Variants in ZNRF1 observed in about 807,000 individuals in gnomAD.
ZNRF1 encodes the protein E3 ubiquitin-protein ligase ZNRF1.
ZNRF1 carries 3 observed loss-of-function variants against 18.4 expected under a neutral mutation model. The observed-to-expected ratio is 0.16, with a 90% CI of 0.07 to 0.42. The LOEUF is 0.42. Among genes scored for constraint, ZNRF1 ranks in the 10% least tolerant of loss-of-function variants. ZNRF1 has a pLI of 0.99. For missense variants in ZNRF1, 310 were observed against 329.8 expected, an observed-to-expected ratio of 0.94 and a Z score of 0.47; for synonymous variants, 157 against 144.2, an observed-to-expected ratio of 1.09 and a Z score of -0.64.
intron 1 of ZNRF1, among the ~76,000 whole-genome samples, chr16:75,010,711 G>GTTTTTGTTTTTTTTT (rs2034986440): frequency 1.3e-5 from 1 of 74,322 alleles, no homozygotes. Flanking sequence ...GTTTTTTTTT[G>GTTTTTGTTTTTTTTT]TTTTTTTGTT....
rs189355671 is a variant in ZNRF1 at position 75,002,364 on chromosome 16, C to G, written c.424+2269C>G. The G allele has an allele frequency of 6.6e-5, 10 of 152,226 alleles. No individual in the cohort carries two copies. The East Asian group carries it at 1.7e-3, about 26-fold the overall frequency. 9.4% of individuals were successfully genotyped at this position (152,226 alleles called of 1,614,324 possible). On this transcript the variant is annotated intron_variant, in intron 1 of 4. Coordinates refer to ENST00000335325, the MANE Select transcript of ZNRF1 (RefSeq NM_032268.5). Reference sequence around the variant, plus strand: ...AGCAAAACTTGTTTCTGCTTTGGAGCCTTTGAGTAAGGTCTAAGCAGCTTT... The same window carrying G: ...AGCAAAACTTGTTTCTGCTTTGGAGGCTTTGAGTAAGGTCTAAGCAGCTTT...
At chr16:75,050,417 T>C (rs1284358173) in intron 1 of ZNRF1, among the ~76,000 whole-genome samples, 2 of 151,912 alleles carry the variant, frequency 1.3e-5, no homozygotes, top group Non-Finnish European at 2.9e-5. Context: ...TCCCAGCTAC[T>C]TGGGAGACTG....
intron 1 of ZNRF1, among the ~76,000 whole-genome samples, chr16:75,043,806 T>TTTTTTTTTTTTTG (rs1567476290): frequency 6.8e-6 from 1 of 147,504 alleles, no homozygotes; most frequent in Non-Finnish European, 1.5e-5. Flanking sequence ...TTTTTTTTTT[T>TTTTTTTTTTTTTG]GAGACAGAGT....
intron 1 of ZNRF1, among the ~76,000 whole-genome samples, chr16:75,046,410 C>A (rs752308914): frequency 5.3e-5 from 8 of 151,636 alleles, no homozygotes; most frequent in African/African-American, 9.7e-5. Context: ...TGCCACCACG[C>A]CCAGCTAAGT....
chr16:75,008,326 C>G (rs943246839), intron 1 of ZNRF1, among the ~76,000 whole-genome samples: 1 of 152,140 alleles, frequency 6.6e-6, no homozygotes, highest in Non-Finnish European at 1.5e-5. Flanking sequence ...TAGGGCCAAG[C>G]CAATCTGCCT....
intron 2 of ZNRF1, among the ~76,000 whole-genome samples, chr16:75,100,532 C>A (rs2036244060): frequency 6.6e-6 from 1 of 152,170 alleles, no homozygotes; most frequent in Admixed American, 6.5e-5. Flanking sequence ...TGAGGGAGAC[C>A]ACATGTGCCC....
chr16:75,091,359 A>C (rs1364222099), intron 1 of ZNRF1, among the ~76,000 whole-genome samples: 2 of 3,740 alleles, frequency 5.3e-4, no homozygotes, highest in African/African-American at 6.8e-4. Flanking sequence ...ACTCCATCTC[A>C]AAAAAAAAAA....
chr16:75,089,175 TC>T (rs1019364710), intron 1 of ZNRF1, among the ~76,000 whole-genome samples: 2 of 150,160 alleles, frequency 1.3e-5, no homozygotes, highest in African/African-American at 5.0e-5. Context: ...TGATCATGGC[TC>T]ACTGCAGCCT....
intron 1 of ZNRF1, among the ~76,000 whole-genome samples, chr16:75,029,192 G>C (rs2035266697): frequency 6.6e-6 from 1 of 151,450 alleles, no homozygotes; most frequent in Admixed American, 6.6e-5. Context: ...TGTCGCCCAG[G>C]CTGGAGTGCA....
intron 1 of ZNRF1, among the ~76,000 whole-genome samples, chr16:75,037,202 C>A (rs1178791231): frequency 1.3e-5 from 2 of 152,118 alleles, no homozygotes; most frequent in Non-Finnish European, 2.9e-5. Flanking sequence ...ATCTTTTGTT[C>A]CTCCTGTTTC....
intron 1 of ZNRF1, among the ~76,000 whole-genome samples, chr16:75,028,683 T>C (rs1340632311): frequency 6.6e-6 from 1 of 152,256 alleles, no homozygotes; most frequent in African/African-American, 2.4e-5. Context: ...TTGAATCCAC[T>C]CCACTCAGGT....
chr16:75,065,636 C>A (rs1263608752), intron 1 of ZNRF1, among the ~76,000 whole-genome samples: 1 of 152,182 alleles, frequency 6.6e-6, no homozygotes, highest in African/African-American at 2.4e-5. Context: ...ACCAGGCAGC[C>A]CTTGTAAAGC....
At chr16:75,000,738 G>A (rs2034837670) in intron 1 of ZNRF1, among the ~76,000 whole-genome samples, 1 of 152,206 alleles carries the variant, frequency 6.6e-6, no homozygotes, top group Non-Finnish European at 1.5e-5. Flanking sequence ...GTGGTCACCC[G>A]TACTGCATGC....
chr16:75,038,425 A>T (rs1186669460), intron 1 of ZNRF1, among the ~76,000 whole-genome samples: 1 of 152,228 alleles, frequency 6.6e-6, no homozygotes, highest in African/African-American at 2.4e-5. Flanking sequence ...CATACCAGGC[A>T]GCAAAGGCAG....
At chr16:75,019,114 T>A (rs766194884) in intron 1 of ZNRF1, among the ~76,000 whole-genome samples, 1 of 152,064 alleles carries the variant, frequency 6.6e-6, no homozygotes, top group Non-Finnish European at 1.5e-5. Context: ...TGCAGTGAGC[T>A]GAGATGGTGT....
chr16:75,043,861 C>A (rs1480281420), intron 1 of ZNRF1, among the ~76,000 whole-genome samples: 2 of 131,060 alleles, frequency 1.5e-5, no homozygotes, highest in Non-Finnish European at 1.5e-5. Flanking sequence ...GCGATCTCTG[C>A]TCACTGCAAC....
intron 1 of ZNRF1, among the ~76,000 whole-genome samples, chr16:75,085,815 A>AGAGAGAGAGAGAGAGT (rs889805907): frequency 4.8e-5 from 7 of 146,728 alleles, no homozygotes; most frequent in African/African-American, 1.3e-4. Flanking sequence ...AGAGAGAGAG[A>AGAGAGAGAGAGAGAGT]GAGTGAGTGT....
At chr16:75,067,212 C>T (rs2035816866) in intron 1 of ZNRF1, among the ~76,000 whole-genome samples, 1 of 152,156 alleles carries the variant, frequency 6.6e-6, no homozygotes, top group Non-Finnish European at 1.5e-5. Context: ...CTCAGGGCTC[C>T]CACAGCGCTT....
At chr16:75,040,809 C>T (rs983997440) in intron 1 of ZNRF1, among the ~76,000 whole-genome samples, 3 of 151,234 alleles carry the variant, frequency 2.0e-5, no homozygotes, top group Non-Finnish European at 3.0e-5. Flanking sequence ...GGTTTCATCA[C>T]GTTGGCCAGG....
Sources: allele counts gnomAD v4.1 joint callset (sites outside exome capture counted in the v4.1 genomes callset), GRCh38; gene constraint gnomAD v4.1.1; transcripts MANE v1.5; gene names NCBI Gene and HGNC (gene_info 2026-07-23, HGNC 2026-07-21).